DPPA3: variants seen among roughly 807,000 people sequenced by gnomAD.
DPPA3 encodes developmental pluripotency associated 3.
DPPA3 carries 9 observed loss-of-function variants against 15.6 expected under a neutral mutation model. The ratio of observed to expected loss-of-function variants is 0.58; its 90% CI spans 0.35 to 1.01. The LOEUF is 1.01. DPPA3 is among the 50% of genes least tolerant of loss of function. The probability of loss-of-function intolerance (pLI) is 0.02; values close to 1 mark genes in which losing one functional copy is unlikely to be tolerated. For synonymous variants in DPPA3, 61 were observed against 70.9 expected (o/e 0.86, Z 0.70); for missense variants, 148 against 194.6 (o/e 0.76, Z 1.42).
intron 1 of DPPA3, among the ~76,000 whole-genome samples, chr12:7,712,020 A>G (rs1463073268): frequency 1.5e-4 from 21 of 137,344 alleles, no homozygotes; most frequent in African/African-American, 5.5e-4. Context: ...GGTTCACGCC[A>G]TTCTCCTGCC....
chr12:7,711,910 C>CT (rs144335160), intron 1 of DPPA3, among the ~76,000 whole-genome samples: 8,208 of 127,336 alleles, frequency 0.064, 866 homozygotes, highest in African/African-American at 0.22. Flanking sequence ...AGATTTCTTT[C>CT]TTTTTTTTTC....
intron 2 of DPPA3, 150 bp downstream of exon 2, chr12:7,715,577 C>T: frequency 8.1e-7 from 1 of 1,231,786 alleles, no homozygotes; most frequent in Non-Finnish European, 1.1e-6. Context: ...AGGTGGATCA[C>T]CTGAGGACAG....
chr12:7,711,699 G>A, intron 1 of DPPA3, 47 bp downstream of exon 1: 2 of 1,254,866 alleles, frequency 1.6e-6, no homozygotes, highest in Non-Finnish European at 1.1e-6. Context: ...TAGGGGGGTT[G>A]GGAGGTCAAA....
intron 1 of DPPA3, among the ~76,000 whole-genome samples, 171 bp from the exon 2 acceptor site, chr12:7,715,012 T>C (rs1272345232): frequency 1.3e-5 from 2 of 152,076 alleles, no homozygotes; most frequent in African/African-American, 4.8e-5. Context: ...CGCGCTGGGC[T>C]AACTTTGCGA....
Position 7,711,544 on chromosome 12 carries a change from G to GT in DPPA3, c.-27_-26insT. 1 of 1,599,740 alleles carries GT rather than the reference G, an allele frequency of 6.3e-7. No homozygotes were observed. Among genetic ancestry groups the GT allele is most frequent in the Non-Finnish European group, 8.5e-7 (1 of 1,173,842 alleles). On this transcript the variant is annotated 5_prime_UTR_variant, in exon 1 of 4. Transcript: ENST00000345088. ...TCTGCTACGTTTCAAAGATCCTGGA[G>GT]AAGCCTAGTGTTGTGTCAAGACGCC...
At chr12:7,716,069 A>G (rs775344971) in intron 2 of DPPA3, 129 bp from the exon 3 acceptor site, 3 of 803,278 alleles carry the variant, frequency 3.7e-6, no homozygotes, top group Admixed American at 2.9e-5. Context: ...CTCCACTGCA[A>G]TCCAGCCTGG....
chr12:7,714,228 T>TTAA (rs747071075), intron 1 of DPPA3, among the ~76,000 whole-genome samples: 73 of 151,622 alleles, frequency 4.8e-4, no homozygotes, highest in East Asian at 2.2e-3. Context: ...AGACTCCGTC[T>TTAA]TAATAATAAT....
chr12:7,713,864 C>G (rs1864370763), intron 1 of DPPA3, among the ~76,000 whole-genome samples: 1 of 152,206 alleles, frequency 6.6e-6, no homozygotes, highest in African/African-American at 2.4e-5. Context: ...ACAAAGCTAG[C>G]TCAGGGCAGC....
rs34619457 is a variant in DPPA3 at position 7,716,181 on chromosome 12, A to ATTT, written c.328-12_328-10dup. 8.1e-5 allele frequency: 128 copies of ATTT among 1,576,876 alleles called. No individual in the cohort carries two copies. Among genetic ancestry groups the ATTT allele is most frequent in the South Asian group, 2.0e-4 (18 of 88,716 alleles). On this transcript the variant is annotated splice_polypyrimidine_tract_variant and intron_variant, in intron 2 of 3. Coordinates refer to ENST00000345088, the MANE Select transcript of DPPA3 (RefSeq NM_199286.4). ...TTTCTTGATAGTTTTCAATAAACAT[A>ATTT]TTTTTTTCCCATGAAGCATGAAAGA...
intron 2 of DPPA3, 139 bp from the exon 3 acceptor site, chr12:7,716,059 C>A (rs2136894034): frequency 2.7e-6 from 2 of 729,140 alleles, no homozygotes; most frequent in Non-Finnish European, 4.5e-6. Context: ...GCCATGATTG[C>A]TCCACTGCAA....
At chr12:7,716,454 G>A (rs1344875998) in intron 3 of DPPA3, among the ~76,000 whole-genome samples, 3 of 151,892 alleles carry the variant, frequency 2.0e-5, no homozygotes, top group Non-Finnish European at 2.9e-5. Context: ...TATGTTCATA[G>A]CCTTTCCCCC....
At chr12:7,716,592 G>A (rs373318022) in intron 3 of DPPA3, among the ~76,000 whole-genome samples, 28 of 82,040 alleles carry the variant, frequency 3.4e-4, no homozygotes, top group African/African-American at 9.8e-4. Context: ...CACTCTTGGT[G>A]TTAGGTTGAT....
At chr12:7,715,138 G>A (rs1864383348) in intron 1 of DPPA3, 45 bp from the exon 2 acceptor site, 2 of 1,611,542 alleles carry the variant, frequency 1.2e-6, no homozygotes, top group Non-Finnish European at 1.7e-6. Flanking sequence ...ATGTGTGAAT[G>A]TTGAAGATCC....
rs773639169 is a variant in DPPA3 at position 7,717,291 on chromosome 12, A to C, written c.*214A>C. On this transcript the variant is annotated 3_prime_UTR_variant, in exon 4 of 4. Transcript: ENST00000345088. Reference sequence around the variant, plus strand: ...TGAATAACTTTAGCTCTACTGTTTGATTTGACCCAAAGAAGCCAAGATGAT... The same window carrying C: ...TGAATAACTTTAGCTCTACTGTTTGCTTTGACCCAAAGAAGCCAAGATGAT... The C allele has an allele frequency of 2.7e-5, 13 of 487,460 alleles. No individual in the cohort carries two copies. In the South Asian group the frequency reaches 5.0e-4, roughly 19 times the overall value. 30.2% of individuals were successfully genotyped at this position (487,460 alleles called of 1,614,324 possible). A position where few individuals can be genotyped will look rare whatever the true frequency, so the allele number is the denominator to read the frequency against.
At chr12:7,714,592 C>T (rs1196499388) in intron 1 of DPPA3, among the ~76,000 whole-genome samples, 1 of 152,068 alleles carries the variant, frequency 6.6e-6, no homozygotes, top group African/African-American at 2.4e-5. Flanking sequence ...GAGGTCACTG[C>T]AAACCTCCGC....
intron 1 of DPPA3, 66 bp downstream of exon 1, chr12:7,711,718 GTCTTTTTTTTTTT>G: frequency 8.2e-5 from 46 of 559,660 alleles, no homozygotes; most frequent in East Asian, 1.3e-4. Context: ...AAAGGCTGCC[GTCTTTTTTTTTTT>G]TTTTTTTTTT....
intron 2 of DPPA3, among the ~76,000 whole-genome samples, chr12:7,715,959 C>T (rs751208136): frequency 2.0e-5 from 3 of 151,958 alleles, no homozygotes; most frequent in Non-Finnish European, 2.9e-5. Flanking sequence ...TGTAGTGGTG[C>T]GTGCCTGTAA....
chr12:7,714,585 G>A (rs1174214541), intron 1 of DPPA3, among the ~76,000 whole-genome samples: 2 of 151,872 alleles, frequency 1.3e-5, no homozygotes, highest in African/African-American at 4.8e-5. Context: ...GCAACCTGAG[G>A]TCACTGCAAA....
intron 1 of DPPA3, 38 bp downstream of exon 1, chr12:7,711,690 A>AG: frequency 9.3e-7 from 1 of 1,074,672 alleles, no homozygotes. Context: ...ATCTGACTAT[A>AG]GGGGGGTTGG....
Sources: allele counts gnomAD v4.1 joint callset (sites outside exome capture counted in the v4.1 genomes callset), GRCh38; gene constraint gnomAD v4.1.1; transcripts MANE v1.5; gene names NCBI Gene and HGNC (gene_info 2026-07-23, HGNC 2026-07-21).